The following NFASC variants were observed in gnomAD, a reference collection of about 807,000 sequenced individuals.
NFASC encodes the protein neurofascin homolog.
NFASC carries 43 observed loss-of-function variants against 147.5 expected under a neutral mutation model. The ratio of observed to expected loss-of-function variants is 0.29; its 90% CI spans 0.23 to 0.38. NFASC has a LOEUF of 0.38. Among genes scored for constraint, NFASC ranks in the 10% least tolerant of loss-of-function variants. The pLI is 1.00. For missense variants in NFASC, 1,320 were observed against 1,689.0 expected (o/e 0.78, Z 3.83); for synonymous variants, 622 against 665.5 (o/e 0.93, Z 1.01).
At chr1:204,988,187 G>A (rs145317393) in intron 22 of NFASC, among the ~76,000 whole-genome samples, 1 of 152,334 alleles carries the variant, frequency 6.6e-6, no homozygotes, top group African/African-American at 2.4e-5. Flanking sequence ...CTTGTATGCT[G>A]TTCTGAATTG....
intron 16 of NFASC, 44 bp downstream of exon 16, chr1:204,976,839 TC>T: frequency 6.3e-7 from 1 of 1,585,590 alleles, no homozygotes; most frequent in Non-Finnish European, 8.6e-7. Context: ...CCCCACCCCC[TC>T]CCCAGCAGCC....
At chr1:204,841,712 G>T (rs1413668959) in intron 1 of NFASC, among the ~76,000 whole-genome samples, 3 of 152,098 alleles carry the variant, frequency 2.0e-5, no homozygotes, top group African/African-American at 7.2e-5. Context: ...CATACAAGGG[G>T]GACAACCCCA....
Position 204,954,651 on chromosome 1 carries a change from C to T in NFASC, c.413-178C>T, listed in dbSNP as rs545883289. On this transcript the variant is annotated intron_variant, in intron 6 of 29. Coordinates refer to ENST00000339876, the MANE Select transcript of NFASC (RefSeq NM_001005388.3). This position sits in a 1 kb window ranked among gnomAD's most constrained non-coding sequence, Gnocchi z 5.7. ...GGAGCCTTGAAGATGCCTCCCTTCTCCTGCCTCTCAAGGGCGGCCCCTTGA... is the reference window on the plus strand; with the variant it reads ...GGAGCCTTGAAGATGCCTCCCTTCTTCTGCCTCTCAAGGGCGGCCCCTTGA... Among the ~76,000 whole-genome samples, 16 of 152,340 alleles carry T rather than the reference C, an allele frequency of 1.1e-4. No homozygotes were observed. The highest frequency in any genetic ancestry group is 1.0e-3 in the Admixed American group (16 of 15,312).
intron 1 of NFASC, among the ~76,000 whole-genome samples, chr1:204,859,070 C>T (rs560439387): frequency 2.0e-5 from 3 of 151,820 alleles, no homozygotes; most frequent in Non-Finnish European, 4.4e-5. Flanking sequence ...CTCTGCCTCC[C>T]GGGTGCCAGC....
At chr1:204,931,058 T>A (rs2092325122) in intron 2 of NFASC, among the ~76,000 whole-genome samples, 1 of 152,106 alleles carries the variant, frequency 6.6e-6, no homozygotes, top group South Asian at 2.1e-4. Context: ...GGACACACAC[T>A]GGCTCCTTAT....
intron 2 of NFASC, among the ~76,000 whole-genome samples, chr1:204,922,941 C>T (rs1021384824): frequency 6.6e-5 from 10 of 152,188 alleles, no homozygotes; most frequent in African/African-American, 2.4e-4. Flanking sequence ...CTGTGCCCTG[C>T]GCTCCATCCT....
Position 204,997,386 on chromosome 1 carries a change from G to T in NFASC, c.2999G>T (p.Gly1000Val), listed in dbSNP as rs1158382741. Residue 1000 changes from glycine (G) to valine (V), a missense_variant, in exon 25 of 30, where the codon GGG becomes GTG. Physicochemically the swap from Gly to Val is moderately radical, Grantham distance 109. This residue lies in a region of NFASC where 172 missense variants were observed against 165.8 expected (regional missense o/e 1.04). Transcript: ENST00000339876. Reference protein sequence around the residue: ...TTESPPTTTSGTKIHESAPDE... With the variant: ...TTESPPTTTSVTKIHESAPDE... ...GAGAGTCCTCCCACCACCACCTCCG[G>T]GACTAAGATACACGAATCCGGTACT... The T allele has an allele frequency of 6.4e-7, 1 of 1,552,436 alleles. No homozygotes were observed. The highest frequency in any genetic ancestry group is 1.2e-5 in the South Asian group (1 of 84,208).
At position 204,986,226 on chromosome 1, in the gene NFASC, G is replaced by A. The variant is rs920563064; in HGVS notation, c.2471-1192G>A. On this transcript the variant is annotated intron_variant, in intron 21 of 29. Coordinates refer to ENST00000339876, the MANE Select transcript of NFASC (RefSeq NM_001005388.3). This position sits in a 1 kb window ranked among gnomAD's most constrained non-coding sequence, Gnocchi z 4.2. Reference sequence around the variant, plus strand: ...ATGGATGGCACAAGGTGACTTCTGCGAGGCCTCCAGGAGCGGATGACCTGC... The same window carrying A: ...ATGGATGGCACAAGGTGACTTCTGCAAGGCCTCCAGGAGCGGATGACCTGC... The A allele has an allele frequency of 8.0e-6, 6 of 753,792 alleles. No individual in the cohort carries two copies. Among genetic ancestry groups the A allele is most frequent in the African/African-American group, 3.5e-5 (2 of 57,894 alleles). 46.7% of individuals were successfully genotyped at this position (753,792 alleles called of 1,614,324 possible).
At chr1:204,921,593 G>A (rs988487614) in intron 2 of NFASC, among the ~76,000 whole-genome samples, 2 of 152,108 alleles carry the variant, frequency 1.3e-5, no homozygotes, top group African/African-American at 2.4e-5. Context: ...TGAGAGTGCC[G>A]ACGACATGGA....
chr1:204,999,883 A>T (rs1574351611), intron 25 of NFASC: 1 of 152,244 alleles, frequency 6.6e-6, no homozygotes, highest in African/African-American at 2.4e-5. Flanking sequence ...CTTGCATGCT[A>T]ATAAAATATA....
chr1:204,863,428 C>T (rs2076831768), intron 1 of NFASC, among the ~76,000 whole-genome samples: 1 of 152,180 alleles, frequency 6.6e-6, no homozygotes, highest in African/African-American at 2.4e-5. Flanking sequence ...ACACAGTTGT[C>T]TATATAATAG....
intron 1 of NFASC, among the ~76,000 whole-genome samples, chr1:204,891,375 C>T (rs754788989): frequency 3.9e-5 from 6 of 152,164 alleles, no homozygotes; most frequent in Non-Finnish European, 8.8e-5. Flanking sequence ...CCCTTTCCCA[C>T]TGGTCAAAGT....
At position 204,968,239 on chromosome 1, in the gene NFASC, C is replaced by G. The variant is rs768720528; in HGVS notation, c.707-10C>G. 3.1e-6 allele frequency: 5 copies of G among 1,609,450 alleles called. No homozygotes were observed. Among genetic ancestry groups the G allele is most frequent in the Non-Finnish European group, 4.3e-6 (5 of 1,175,712 alleles). On this transcript the variant is annotated splice_polypyrimidine_tract_variant and intron_variant, in intron 8 of 29. Transcript: ENST00000339876. The surrounding 1 kb of genome is among the most constrained non-coding windows in gnomAD (Gnocchi z 5.4). ...GGAGGCTCATGGGAGTTTGTTCTCT[C>G]CTGTTTCAGCCCGAGGAGTTGCAGA...
intron 2 of NFASC, among the ~76,000 whole-genome samples, chr1:204,921,328 G>A (rs957848458): frequency 1.3e-5 from 2 of 152,234 alleles, no homozygotes; most frequent in Non-Finnish European, 2.9e-5. Context: ...GAGGACATGT[G>A]ACAACTGAGG....
At chr1:204,969,034 T>C in intron 10 of NFASC, 52 bp downstream of exon 10, 1 of 1,522,590 alleles carries the variant, frequency 6.6e-7, no homozygotes, top group Non-Finnish European at 9.0e-7. Flanking sequence ...CTGAACACCA[T>C]GCCCACCCTT....
intron 7 of NFASC, 115 bp downstream of exon 7, chr1:204,955,066 G>C (rs1024424014): frequency 7.8e-7 from 1 of 1,276,296 alleles, no homozygotes; most frequent in Non-Finnish European, 1.1e-6. Flanking sequence ...TGAGAGGCAG[G>C]TGCAATGTGG....
At chr1:204,926,097 CTT>C (rs751071394) in intron 2 of NFASC, among the ~76,000 whole-genome samples, 3 of 143,050 alleles carry the variant, frequency 2.1e-5, no homozygotes, top group Admixed American at 7.1e-5. Context: ...AGCCCTAGGT[CTT>C]TTTTTTTTTT....
intron 1 of NFASC, among the ~76,000 whole-genome samples, chr1:204,910,009 G>C (rs528772216): frequency 6.6e-6 from 1 of 151,724 alleles, no homozygotes; most frequent in African/African-American, 2.4e-5. Context: ...TCTTTAAATT[G>C]GGTAGACTGA....
Position 204,954,220 on chromosome 1 carries a change from A to G in NFASC, c.248A>G (p.Asn83Ser). 1.9e-6 allele frequency: 3 copies of G among 1,614,200 alleles called. No homozygotes were observed. Among genetic ancestry groups the G allele is most frequent in the Non-Finnish European group, 2.5e-6 (3 of 1,180,036 alleles). ...FHWTRNSRFF[N>S]IAKDPRVSMR... The stretch of plus-strand genomic sequence containing the variant: ...TGGACACGAAACAGCAGATTCTTCA[A>G]CATCGCCAAGGACCCCCGGGTGTCC... Residue 83 changes from asparagine (N) to serine (S), a missense_variant, in exon 6 of 30, where the codon AAC (asparagine) becomes AGC (serine). Around this residue, in one of 3 missense-constraint regions of NFASC, gnomAD observed 981 missense variants for 1,289.5 expected, o/e 0.76. Transcript: ENST00000339876. This position sits in a 1 kb window ranked among gnomAD's most constrained non-coding sequence, Gnocchi z 5.7.
Sources: allele counts gnomAD v4.1 joint callset (sites outside exome capture counted in the v4.1 genomes callset), GRCh38; gene constraint gnomAD v4.1.1; regional missense constraint gnomAD v4.1.1; non-coding constraint Gnocchi (gnomAD v3.1); transcripts MANE v1.5; gene names NCBI Gene and HGNC (gene_info 2026-07-23, HGNC 2026-07-21).